PGAP1: variants seen among roughly 807,000 people sequenced by gnomAD.
The protein encoded by PGAP1 is post-GPI attachment to proteins inositol deacylase 1.
PGAP1 carries 76 observed loss-of-function variants against 127.0 expected under a neutral mutation model. That is an observed-to-expected ratio of 0.60 (90% CI 0.50 to 0.72). The LOEUF is 0.72. PGAP1 is among the 30% of genes least tolerant of loss of function. The probability of loss-of-function intolerance (pLI) is 0.00; values close to 1 mark genes in which losing one functional copy is unlikely to be tolerated. For missense variants in PGAP1, 982 were observed against 1,071.3 expected (o/e 0.92, Z 1.16); for synonymous variants, 362 against 366.5 (o/e 0.99, Z 0.14).
intron 20 of PGAP1, among the ~76,000 whole-genome samples, chr2:196,850,893 G>C (rs1415909644): frequency 2.0e-5 from 3 of 152,030 alleles, no homozygotes; most frequent in African/African-American, 7.2e-5. Context: ...ACAGGGATGG[G>C]GATTGGTGGG....
intron 20 of PGAP1, among the ~76,000 whole-genome samples, chr2:196,854,820 C>T (rs1306726019): frequency 6.6e-6 from 1 of 152,102 alleles, no homozygotes; most frequent in African/African-American, 2.4e-5. Context: ...CTCTGTTGCC[C>T]AGGCTGGAGA....
chr2:196,882,044 T>C (rs1480673854), intron 12 of PGAP1, among the ~76,000 whole-genome samples: 2 of 152,210 alleles, frequency 1.3e-5, no homozygotes, highest in African/African-American at 4.8e-5. Context: ...AAAGAAGAGG[T>C]CCACTTTCAA....
intron 23 of PGAP1, among the ~76,000 whole-genome samples, 169 bp downstream of exon 23, chr2:196,845,713 T>C (rs990789788): frequency 2.0e-5 from 3 of 152,102 alleles, no homozygotes; most frequent in African/African-American, 7.2e-5. Context: ...ATTTCCCTTT[T>C]CCAGTTAATT....
Position 196,915,275 on chromosome 2 carries a change from T to C in PGAP1, c.477+1143A>G, listed in dbSNP as rs146362147. On this transcript the variant is annotated intron_variant, in intron 3 of 26. Transcript: ENST00000354764. ...CCGCCCTTAGATCACTGCTCTTTCA[T>C]ATCTTTGCTGAAACCATCAGTGATC... Among the ~76,000 whole-genome samples the C allele has an allele frequency of 6.4e-3, 976 of 152,302 alleles. 14 individuals carry two copies. The highest frequency in any genetic ancestry group is 0.023 in the African/African-American group (938 of 41,558).
chr2:196,850,902 G>A (rs1700698563), intron 20 of PGAP1, among the ~76,000 whole-genome samples: 1 of 151,936 alleles, frequency 6.6e-6, no homozygotes. Context: ...GGGATTGGTG[G>A]GAAATAACCT....
intron 20 of PGAP1, among the ~76,000 whole-genome samples, chr2:196,854,690 T>A (rs140945141): frequency 6.6e-6 from 1 of 152,342 alleles, no homozygotes; most frequent in East Asian, 1.9e-4. Context: ...TCATCCACAG[T>A]TATTGTTTTA....
At chr2:196,847,851 C>A in intron 21 of PGAP1, 96 bp downstream of exon 21, 5 of 934,730 alleles carry the variant, frequency 5.3e-6, no homozygotes, top group Non-Finnish European at 3.0e-6. Flanking sequence ...AGTCAACTGC[C>A]AAATCTGTAT....
chr2:196,854,508 G>A (rs1700816955), intron 20 of PGAP1, among the ~76,000 whole-genome samples: 1 of 152,060 alleles, frequency 6.6e-6, no homozygotes, highest in Non-Finnish European at 1.5e-5. Context: ...ATTGATGTCA[G>A]CATTTCTAAA....
At chr2:196,925,809 GGCCC>G (rs1703340853) in intron 1 of PGAP1, among the ~76,000 whole-genome samples, 1 of 152,054 alleles carries the variant, frequency 6.6e-6, no homozygotes, top group Non-Finnish European at 1.5e-5. Context: ...ACACACGCAC[GGCCC>G]CTTAACCTGC....
At chr2:196,873,266 T>C (rs1344486688) in intron 16 of PGAP1, among the ~76,000 whole-genome samples, 1 of 151,962 alleles carries the variant, frequency 6.6e-6, no homozygotes, top group Admixed American at 6.6e-5. Context: ...AATAACTAAA[T>C]CTGAATTACT....
chr2:196,887,876 A>G (rs537549730), intron 10 of PGAP1, among the ~76,000 whole-genome samples: 19 of 152,360 alleles, frequency 1.2e-4, no homozygotes, highest in Admixed American at 9.1e-4. Flanking sequence ...GCAAGACAAC[A>G]GAACAGATCT....
chr2:196,850,710 A>G (rs1477165563), intron 20 of PGAP1, among the ~76,000 whole-genome samples: 1 of 151,432 alleles, frequency 6.6e-6, no homozygotes, highest in Non-Finnish European at 1.5e-5. Flanking sequence ...AATGGAAGGA[A>G]GGGAGGAAGG....
chr2:196,885,794 TTTATG>T, intron 11 of PGAP1, 35 bp downstream of exon 11: 1 of 1,322,454 alleles, frequency 7.6e-7, no homozygotes, highest in Non-Finnish European at 1.0e-6. Flanking sequence ...CCGAGTATTG[TTTATG>T]TTGAGATAAA....
At chr2:196,851,928 T>A (rs746124872) in intron 20 of PGAP1, among the ~76,000 whole-genome samples, 4 of 152,212 alleles carry the variant, frequency 2.6e-5, no homozygotes, top group Non-Finnish European at 5.9e-5. Flanking sequence ...GTTAGACATG[T>A]CTTTTCTAGG....
Position 196,847,089 on chromosome 2 carries a change from C to G in PGAP1, c.2064G>C (p.Leu688=), listed in dbSNP as rs1263371937. 12 of 1,613,520 alleles carry G rather than the reference C, an allele frequency of 7.4e-6. No homozygotes were observed. Among genetic ancestry groups the G allele is most frequent in the Non-Finnish European group, 1.0e-5 (12 of 1,179,772 alleles). Residue 688 remains leucine, a synonymous_variant, in exon 22 of 27, where the codon CTG becomes CTC. Coordinates refer to ENST00000354764, the MANE Select transcript of PGAP1 (RefSeq NM_024989.4). ...TCCAGTAGGCAGTACACGTTCCAAA[C>G]AGAAAGAGAATCAAGGATATCAGGG... The part of the protein sequence containing the change: ...CFPLISLILF[L]FGTCTAYWSG...
intron 10 of PGAP1, among the ~76,000 whole-genome samples, chr2:196,886,752 C>T (rs1701923275): frequency 6.6e-6 from 1 of 151,934 alleles, no homozygotes; most frequent in Non-Finnish European, 1.5e-5. Context: ...GGCTGGAGTG[C>T]AGTGGCACAA....
At chr2:196,856,394 A>AATAC (rs1217790347) in intron 20 of PGAP1, among the ~76,000 whole-genome samples, 2 of 152,172 alleles carry the variant, frequency 1.3e-5, no homozygotes, top group Non-Finnish European at 2.9e-5. Flanking sequence ...TAAAAGCTAT[A>AATAC]ATACACCTGT....
At chr2:196,900,167 T>C (rs1351202000) in intron 5 of PGAP1, among the ~76,000 whole-genome samples, 2 of 152,240 alleles carry the variant, frequency 1.3e-5, no homozygotes, top group African/African-American at 4.8e-5. Context: ...TGAAGATGAC[T>C]GGAGCAACCC....
chr2:196,901,219 T>C (rs930182411), intron 5 of PGAP1, among the ~76,000 whole-genome samples: 1 of 152,218 alleles, frequency 6.6e-6, no homozygotes, highest in Non-Finnish European at 1.5e-5. Flanking sequence ...AATAGCAACA[T>C]TCATACCTCT....
Sources: gnomAD v4.1 joint callset for allele counts (sites outside exome capture counted in the v4.1 genomes callset) on GRCh38, gnomAD v4.1.1 for gene constraint, MANE v1.5 for transcripts, NCBI Gene and HGNC (gene_info 2026-07-23, HGNC 2026-07-21) for gene names.